Variants in FNDC3A observed in about 807,000 individuals in gnomAD.
FNDC3A encodes the protein fibronectin type-III domain-containing protein 3A.
In FNDC3A, 32 loss-of-function variants were observed where a neutral mutation model predicts 148.9. The ratio of observed to expected loss-of-function variants is 0.21; its 90% CI spans 0.16 to 0.29. The LOEUF is 0.29. Ranked by LOEUF, FNDC3A falls within the 10% of genes least tolerant of loss-of-function variation. The pLI, the probability that FNDC3A is intolerant of heterozygous loss-of-function variation, is 1.00. For synonymous variants in FNDC3A, 472 were observed against 473.6 expected (o/e 1.00, Z 0.04); for missense variants, 1,191 against 1,452.8 (o/e 0.82, Z 2.93).
chr13:49,156,537 T>G (rs1883699827), intron 8 of FNDC3A, among the ~76,000 whole-genome samples: 1 of 149,718 alleles, frequency 6.7e-6, no homozygotes, highest in African/African-American at 2.4e-5. Context: ...GTTAATATTG[T>G]TATGTGTGAA....
At chr13:48,998,846 G>A (rs892113213) in intron 1 of FNDC3A, among the ~76,000 whole-genome samples, 3 of 152,148 alleles carry the variant, frequency 2.0e-5, no homozygotes, top group East Asian at 1.9e-4. Context: ...CATCTCAACC[G>A]AAGCCAGGAA....
chr13:49,191,516 C>A (rs1885887164), intron 19 of FNDC3A, 132 bp downstream of exon 19: 1 of 618,734 alleles, frequency 1.6e-6, no homozygotes, highest in Non-Finnish European at 2.7e-6. Flanking sequence ...TTTTAACAAG[C>A]CTACATTGAT....
intron 1 of FNDC3A, among the ~76,000 whole-genome samples, chr13:48,984,109 TAAG>T (rs1234368818): frequency 2.0e-5 from 3 of 152,126 alleles, no homozygotes; most frequent in East Asian, 1.9e-4. Flanking sequence ...AATACAGTAA[TAAG>T]AAGTAGCAGC....
At chr13:49,030,813 T>C (rs745845581) in intron 2 of FNDC3A, among the ~76,000 whole-genome samples, 1 of 152,152 alleles carries the variant, frequency 6.6e-6, no homozygotes, top group Non-Finnish European at 1.5e-5. Context: ...ATATAAGATG[T>C]ATACACTGAA....
intron 2 of FNDC3A, among the ~76,000 whole-genome samples, chr13:49,034,935 C>A (rs996899296): frequency 6.6e-6 from 1 of 151,886 alleles, no homozygotes; most frequent in African/African-American, 2.4e-5. Context: ...GTAATTATCC[C>A]CTTGGGTAAT....
At chr13:49,004,305 G>C (rs1437787231) in intron 1 of FNDC3A, among the ~76,000 whole-genome samples, 2 of 152,048 alleles carry the variant, frequency 1.3e-5, no homozygotes, top group East Asian at 3.8e-4. Flanking sequence ...CAGGGTAAAA[G>C]TTTTGAATCT....
At chr13:49,166,716 C>T (rs1884482555) in intron 8 of FNDC3A, among the ~76,000 whole-genome samples, 2 of 152,208 alleles carry the variant, frequency 1.3e-5, no homozygotes, top group East Asian at 1.9e-4. Context: ...CAGCTGATTG[C>T]AGCCGAGCAG....
chr13:49,159,763 T>A (rs1883969700), intron 8 of FNDC3A, among the ~76,000 whole-genome samples: 2 of 152,086 alleles, frequency 1.3e-5, no homozygotes, highest in South Asian at 4.1e-4. Context: ...GTTTGTCAAA[T>A]AGCTCTTATT....
chr13:49,156,153 C>CT (rs1389166508), intron 8 of FNDC3A, among the ~76,000 whole-genome samples: 1 of 148,618 alleles, frequency 6.7e-6, no homozygotes, highest in Non-Finnish European at 1.5e-5. Flanking sequence ...GTGTGGGAGT[C>CT]TAAGTCTCTT....
At chr13:48,992,794 G>A (rs1407115153) in intron 1 of FNDC3A, among the ~76,000 whole-genome samples, 1 of 152,054 alleles carries the variant, frequency 6.6e-6, no homozygotes, top group Non-Finnish European at 1.5e-5. Context: ...ACTGGTTTTT[G>A]CCATTGCTTT....
chr13:49,158,409 C>T (rs774196049), intron 8 of FNDC3A, among the ~76,000 whole-genome samples: 3 of 152,210 alleles, frequency 2.0e-5, no homozygotes, highest in Admixed American at 6.5e-5. Context: ...CACTGACCTG[C>T]GCCCACTGTC....
chr13:49,124,981 G>T (rs949808398), intron 4 of FNDC3A, among the ~76,000 whole-genome samples: 2 of 152,254 alleles, frequency 1.3e-5, no homozygotes, highest in South Asian at 2.1e-4. Flanking sequence ...TGCCTTTCTG[G>T]TAATGGCTCC....
intron 2 of FNDC3A, among the ~76,000 whole-genome samples, chr13:49,055,497 A>G (rs577328743): frequency 1.7e-4 from 26 of 152,228 alleles, no homozygotes; most frequent in Admixed American, 1.4e-3. Flanking sequence ...TTTAACATCA[A>G]CACAGACCTT....
Position 49,136,394 on chromosome 13 carries a change from C to G in FNDC3A, c.553C>G (p.Arg185Gly). 1 of 1,613,878 alleles carries G rather than the reference C, an allele frequency of 6.2e-7. No homozygotes were observed. The highest frequency in any genetic ancestry group is 8.5e-7 in the Non-Finnish European group (1 of 1,179,892). ...TGAACGATCTAGTAAAACATATGAA[C>G]GTTTGCAGAAAAAATTGAAGGATCG... ...RDERSSKTYE[R>G]LQKKLKDRQG... The change falls in exon 6 of 26, where the codon CGT (arginine) becomes GGT (glycine). Residue 185 changes from arginine (R) to glycine (G), a missense_variant. Transcript: ENST00000492622.
intron 19 of FNDC3A, among the ~76,000 whole-genome samples, chr13:49,193,201 T>C (rs1333085547): frequency 6.6e-6 from 1 of 152,240 alleles, no homozygotes; most frequent in Non-Finnish European, 1.5e-5. Context: ...GGTTGCCTTA[T>C]AACATGTATA....
chr13:49,053,425 C>G (rs1875995696), intron 2 of FNDC3A, among the ~76,000 whole-genome samples: 1 of 152,182 alleles, frequency 6.6e-6, no homozygotes, highest in Non-Finnish European at 1.5e-5. Context: ...CAGATCATGA[C>G]TCATGACACA....
chr13:49,041,067 A>C (rs1874887233), intron 2 of FNDC3A, among the ~76,000 whole-genome samples: 1 of 152,196 alleles, frequency 6.6e-6, no homozygotes, highest in African/African-American at 2.4e-5. Flanking sequence ...TAATTTGAAG[A>C]TATATGAGTC....
chr13:49,176,465 C>T (rs1469232115), intron 13 of FNDC3A, among the ~76,000 whole-genome samples: 1 of 151,952 alleles, frequency 6.6e-6, no homozygotes, highest in Non-Finnish European at 1.5e-5. Context: ...GGGAACATCA[C>T]ACAGCAGTGC....
intron 4 of FNDC3A, among the ~76,000 whole-genome samples, chr13:49,129,762 A>G (rs113917847): frequency 0.011 from 1,714 of 152,336 alleles, 11 homozygotes; most frequent in Middle Eastern, 0.02. Context: ...TTGGTCATCT[A>G]GTCCCCTGTT....
Sources: gnomAD v4.1 joint callset for allele counts (sites outside exome capture counted in the v4.1 genomes callset) on GRCh38, gnomAD v4.1.1 for gene constraint, MANE v1.5 for transcripts, NCBI Gene and HGNC (gene_info 2026-07-23, HGNC 2026-07-21) for gene names.